Variants in MAP1B observed in about 807,000 individuals in gnomAD.
The protein encoded by MAP1B is microtubule-associated protein 1B.
Under a neutral mutation model 176.1 loss-of-function variants are expected in MAP1B, and 12 were observed. The ratio of observed to expected loss-of-function variants is 0.07; its 90% CI spans 0.04 to 0.11. The LOEUF (loss-of-function observed/expected upper bound fraction) is 0.11. Among genes scored for constraint, MAP1B ranks in the 10% least tolerant of loss-of-function variants. MAP1B has a pLI of 1.00. For synonymous variants in MAP1B, 1,044 were observed against 1,135.0 expected (o/e 0.92, Z 1.61); for missense variants, 2,523 against 2,990.5 (o/e 0.84, Z 3.65).
chr5:72,117,802 C>T (rs765120164), intron 2 of MAP1B, among the ~76,000 whole-genome samples: 2 of 152,174 alleles, frequency 1.3e-5, no homozygotes, highest in African/African-American at 2.4e-5. Context: ...TATGAGTACG[C>T]TTTACAGGCC....
chr5:72,107,526 G>A lies in MAP1B; in HGVS notation c.-6G>A. 1.3e-6 allele frequency: 2 copies of A among 1,557,140 alleles called. No homozygotes were observed. The highest frequency in any genetic ancestry group is 1.7e-6 in the Non-Finnish European group (2 of 1,155,536). ...GACACTTCGCCGAGGCACAGCAGCC[G>A]GCAGGATGGCGACCGTGGTGGTGGA... is the stretch of plus-strand genomic sequence containing the variant. On this transcript the variant is annotated 5_prime_UTR_variant, in exon 1 of 7. Coordinates refer to ENST00000296755, the MANE Select transcript of MAP1B (RefSeq NM_005909.5).
intron 2 of MAP1B, among the ~76,000 whole-genome samples, chr5:72,156,691 A>C (rs1201640100): frequency 1.3e-5 from 2 of 152,198 alleles, no homozygotes; most frequent in Non-Finnish European, 2.9e-5. Flanking sequence ...CCATTTTGCA[A>C]ACCAGGACTT....
Position 72,197,196 on chromosome 5 carries a change from C to G in MAP1B, c.3841C>G (p.Leu1281Val). The change falls in exon 5 of 7, where the codon CTG becomes GTG. Residue 1281 changes from leucine (L) to valine (V), a missense_variant. Physicochemically the swap from Leu to Val is conservative, Grantham distance 32 (BLOSUM62 1). This residue lies in a region of MAP1B where 1,925 missense variants were observed against 2,126.0 expected (regional missense o/e 0.91). Coordinates refer to ENST00000296755, the MANE Select transcript of MAP1B (RefSeq NM_005909.5). ...GGGTGAACGTAGTGTGAACTTCTCT[C>G]TGACGCCCAATGAGATTAAAGTCTC... is the stretch of plus-strand genomic sequence containing the variant. ...PLGERSVNFS[L>V]TPNEIKVSAE... The G allele has an allele frequency of 1.2e-6, 2 of 1,614,230 alleles. No individual in the cohort carries two copies. The highest frequency in any genetic ancestry group is 1.7e-6 in the Non-Finnish European group (2 of 1,180,042).
intron 1 of MAP1B, among the ~76,000 whole-genome samples, chr5:72,110,175 A>C (rs1481905091): frequency 3.3e-5 from 5 of 152,240 alleles, no homozygotes. Context: ...TGGGTTACCC[A>C]GATCAAGAAA....
intron 2 of MAP1B, among the ~76,000 whole-genome samples, chr5:72,131,056 A>G (rs1215830827): frequency 6.6e-6 from 1 of 152,196 alleles, no homozygotes; most frequent in African/African-American, 2.4e-5. Context: ...TAATAAAAAT[A>G]AGCAAATGAA....
chr5:72,196,080 C>A lies in MAP1B; in HGVS notation c.2725C>A (p.Pro909Thr), dbSNP rs1747158094. ...TEGEGECEQTPEELEPVEKQG... is the reference protein window; with the variant it reads ...TEGEGECEQTTEELEPVEKQG... Reference sequence around the variant, plus strand: ...AGGGGAGGGCGAATGTGAACAGACACCTGAGGAGCTGGAGCCCGTCGAGAA... The same window carrying A: ...AGGGGAGGGCGAATGTGAACAGACAACTGAGGAGCTGGAGCCCGTCGAGAA... Residue 909 changes from proline (P) to threonine (T), a missense_variant, in exon 5 of 7, where the codon CCT becomes ACT. Transcript: ENST00000296755. The surrounding 1 kb of genome is among the most constrained non-coding windows in gnomAD (Gnocchi z 5.3). 14 of 1,614,116 alleles carry A rather than the reference C, an allele frequency of 8.7e-6. No individual in the cohort carries two copies. The highest frequency in any genetic ancestry group is 1.2e-5 in the Non-Finnish European group (14 of 1,180,020).
At chr5:72,153,426 T>A (rs1016885374) in intron 2 of MAP1B, among the ~76,000 whole-genome samples, 1 of 151,954 alleles carries the variant, frequency 6.6e-6, no homozygotes, top group Non-Finnish European at 1.5e-5. Flanking sequence ...TGAAACTATG[T>A]GTTAGAAGCA....
rs1359464951 is a variant in MAP1B, at chr5:72,205,531, T to C, written c.*292T>C. The C allele has an allele frequency of 6.3e-6, 2 of 316,312 alleles. No individual in the cohort carries two copies. Among genetic ancestry groups the C allele is most frequent in the Non-Finnish European group, 1.2e-5 (2 of 169,064 alleles). 19.6% of individuals were successfully genotyped at this position (316,312 alleles called of 1,614,324 possible). A position where few individuals can be genotyped will look rare whatever the true frequency, so the allele number is the denominator to read the frequency against. On this transcript the variant is annotated 3_prime_UTR_variant, in exon 7 of 7. Transcript: ENST00000296755. ...TGCACTAGCCAACCCAACTGACTTCTGCTAGGTAGAGGCATTTGTCTTAGA... is the reference window on the plus strand; with the variant it reads ...TGCACTAGCCAACCCAACTGACTTCCGCTAGGTAGAGGCATTTGTCTTAGA...
intron 4 of MAP1B, among the ~76,000 whole-genome samples, chr5:72,191,192 A>G (rs1386223583): frequency 6.6e-6 from 1 of 152,238 alleles, no homozygotes; most frequent in Non-Finnish European, 1.5e-5. Flanking sequence ...TTGAGGAAAC[A>G]AAGATAACTA....
rs368857767 is a variant in MAP1B at position 72,179,224 on chromosome 5, C to A, written c.287-4519C>A. ...CCCTCAAAGACTTTTTCTTATGAAG[C>A]GATAAGTGACACAATCATTCCAGGT... On this transcript the variant is annotated intron_variant, in intron 2 of 6. Transcript: ENST00000296755. 1.2e-4 allele frequency among the ~76,000 whole-genome samples: 19 copies of A among 152,248 alleles called. No homozygotes were observed. In the East Asian group the frequency reaches 3.5e-3, roughly 28 times the overall value.
At chr5:72,159,242 C>G (rs1746286073) in intron 2 of MAP1B, among the ~76,000 whole-genome samples, 1 of 152,094 alleles carries the variant, frequency 6.6e-6, no homozygotes, top group Non-Finnish European at 1.5e-5. Flanking sequence ...GCTTTTGGAA[C>G]TCACAGAAGG....
rs1405552394 is a variant in MAP1B, at chr5:72,203,630, G to A, written c.7080G>A (p.Leu2360=). The change falls in exon 6 of 7, where the codon CTG becomes CTA. Residue 2360 remains leucine (L), a synonymous_variant. Transcript: ENST00000296755. ...VPPGLPVYLD[L]CYIPNHSNSK... ...CAGGCCTCCCTGTGTATTTGGACCTGTGCTACATTCCTAACCACAGCAATA... is the reference window on the plus strand; with the variant it reads ...CAGGCCTCCCTGTGTATTTGGACCTATGCTACATTCCTAACCACAGCAATA... The A allele has an allele frequency of 3.1e-6, 5 of 1,614,208 alleles. No homozygotes were observed.
At chr5:72,182,848 AGC>A (rs1746801860) in intron 2 of MAP1B, among the ~76,000 whole-genome samples, 1 of 152,134 alleles carries the variant, frequency 6.6e-6, no homozygotes, top group African/African-American at 2.4e-5. Flanking sequence ...TGTCCTTAGC[AGC>A]TGCCCAAGCA....
intron 4 of MAP1B, among the ~76,000 whole-genome samples, chr5:72,187,014 C>T (rs1002325261): frequency 2.0e-5 from 3 of 152,222 alleles, no homozygotes; most frequent in African/African-American, 4.8e-5. Flanking sequence ...CAACACTTTA[C>T]AGATGGTAAA....
At chr5:72,120,590 A>T (rs1406002387) in intron 2 of MAP1B, among the ~76,000 whole-genome samples, 1 of 149,996 alleles carries the variant, frequency 6.7e-6, no homozygotes, top group Non-Finnish European at 1.5e-5. Flanking sequence ...ATGCCTGGCT[A>T]TTTTTTTTTG....
chr5:72,185,494 C>A (rs1007039571), intron 3 of MAP1B, among the ~76,000 whole-genome samples: 1 of 151,572 alleles, frequency 6.6e-6, no homozygotes, highest in African/African-American at 2.4e-5. Context: ...ACTCAGGAGG[C>A]TGAGATGGAG....
Position 72,209,263 on chromosome 5 carries a change from GC to G in MAP1B, c.*4028del, listed in dbSNP as rs1482023005. 1 of 152,150 alleles carries G rather than the reference GC, an allele frequency of 6.6e-6. No homozygotes were observed. The highest frequency in any genetic ancestry group is 1.5e-5 in the Non-Finnish European group (1 of 68,036). The allele number at this position is 152,150 out of a possible 1,614,324, so 9.4% of individuals were successfully genotyped here. On this transcript the variant is annotated 3_prime_UTR_variant, in exon 7 of 7. Transcript: ENST00000296755. ...ACACGCTTTTCCTACACTGCATGCA[GC>G]CCCTCTTTCCAGCACTGGAAAGAAG...
chr5:72,114,438 G>A (rs1271734237), intron 1 of MAP1B, among the ~76,000 whole-genome samples: 1 of 152,170 alleles, frequency 6.6e-6, no homozygotes, highest in Admixed American at 6.5e-5. Context: ...CACCTGCTGT[G>A]TTATACCTAG....
At chr5:72,118,322 T>A (rs1745467700) in intron 2 of MAP1B, among the ~76,000 whole-genome samples, 1 of 151,790 alleles carries the variant, frequency 6.6e-6, no homozygotes. Flanking sequence ...ATTTCAAGAA[T>A]CTTAAATTAA....
Sources: gnomAD v4.1 joint callset for allele counts (sites outside exome capture counted in the v4.1 genomes callset) on GRCh38, gnomAD v4.1.1 for gene constraint, gnomAD v4.1.1 regional missense constraint, Gnocchi (gnomAD v3.1) non-coding constraint, MANE v1.5 for transcripts, NCBI Gene and HGNC (gene_info 2026-07-23, HGNC 2026-07-21) for gene names.